Variants in FHIT observed in about 807,000 individuals in gnomAD.
The protein encoded by FHIT is fragile histidine triad diadenosine triphosphatase.
In FHIT, 19 loss-of-function variants were observed where a neutral mutation model predicts 17.9. The observed-to-expected ratio is 1.06, with a 90% CI of 0.74 to 1.56. The LOEUF (loss-of-function observed/expected upper bound fraction) is 1.56. Ranked by LOEUF, FHIT falls within the 40% of genes most tolerant of loss-of-function variation. The pLI is 0.00. For synonymous variants in FHIT, 81 were observed against 69.7 expected (o/e 1.16, Z -0.81); for missense variants, 248 against 189.2 (o/e 1.31, Z -1.82).
intron 1 of FHIT, among the ~76,000 whole-genome samples, chr3:61,204,505 A>G (rs1343900589): frequency 2.0e-5 from 3 of 152,222 alleles, no homozygotes; most frequent in Non-Finnish European, 4.4e-5. Context: ...TTCTCTATAC[A>G]ACATTGAAAT....
At position 59,977,211 on chromosome 3, in the gene FHIT, A is replaced by G. The variant is rs994861023; in HGVS notation, c.279+34160T>C. Among the ~76,000 whole-genome samples, 12 of 152,120 alleles carry G rather than the reference A, an allele frequency of 7.9e-5. 1 individual carries two copies. Among genetic ancestry groups the G allele is most frequent in the Admixed American group, 5.9e-4 (9 of 15,248 alleles). ...AGATAAAATAAAAGTGTTTTTCCCAATATCATACATCTGCTGATGGTCCTG... is the reference window on the plus strand; with the variant it reads ...AGATAAAATAAAAGTGTTTTTCCCAGTATCATACATCTGCTGATGGTCCTG... On this transcript the variant is annotated intron_variant, in intron 7 of 9. Transcript: ENST00000492590.
chr3:61,068,870 A>G (rs921132655), intron 2 of FHIT, among the ~76,000 whole-genome samples: 1 of 152,096 alleles, frequency 6.6e-6, no homozygotes, highest in Non-Finnish European at 1.5e-5. Context: ...CCCCTTTCCT[A>G]CTCAAAAAGT....
intron 8 of FHIT, 70 bp from the exon 9 acceptor site, chr3:59,752,391 G>A (rs1241486383): frequency 3.2e-6 from 4 of 1,259,986 alleles, no homozygotes; most frequent in African/African-American, 1.5e-5. Flanking sequence ...ATTTCGGGGG[G>A]CTGGGGGAGA....
intron 2 of FHIT, among the ~76,000 whole-genome samples, chr3:61,170,982 T>C (rs1048770008): frequency 1.3e-5 from 2 of 152,236 alleles, no homozygotes; most frequent in Non-Finnish European, 1.5e-5. Flanking sequence ...ATCAGATTAC[T>C]GGACCAAATG....
rs1348391809 is a variant in FHIT, at chr3:60,899,055, C to T, written c.-110-77044G>A. Among the ~76,000 whole-genome samples, 2 of 152,080 alleles carry T rather than the reference C, an allele frequency of 1.3e-5. 1 individual carries two copies. The highest frequency in any genetic ancestry group is 2.9e-5 in the Non-Finnish European group (2 of 68,020). ...TTTTTCCAGAACCATCTGTGCTTTC[C>T]CAAGAACATGTAACTACTACAGATA... On this transcript the variant is annotated intron_variant, in intron 3 of 9. Coordinates refer to ENST00000492590, the MANE Select transcript of FHIT (RefSeq NM_002012.4).
chr3:60,899,339 A>G (rs1705985515), intron 3 of FHIT, among the ~76,000 whole-genome samples: 2 of 152,216 alleles, frequency 1.3e-5, no homozygotes, highest in South Asian at 2.1e-4. Context: ...TGCCTTTTGT[A>G]TCTCGAACTT....
rs1267434056 is a variant in FHIT, at chr3:60,027,141, ACACACAC to A, written c.104-12996_104-12990del. Among the ~76,000 whole-genome samples the A allele has an allele frequency of 9.3e-3, 1,201 of 128,604 alleles. 73 individuals carry two copies. Among genetic ancestry groups the A allele is most frequent in the East Asian group, 0.092 (455 of 4,950 alleles). 84.4% of individuals were successfully genotyped at this position (128,604 alleles called of 152,430 possible). A position where few individuals can be genotyped will look rare whatever the true frequency, so the allele number is the denominator to read the frequency against. Reference sequence around the variant, plus strand: ...CACACACACACACACACACACACACACACACACAAAATTAGTAAACCCAATAATCCAC... The same window carrying A: ...CACACACACACACACACACACACACAAAAATTAGTAAACCCAATAATCCAC... On this transcript the variant is annotated intron_variant, in intron 5 of 9. Coordinates refer to ENST00000492590, the MANE Select transcript of FHIT (RefSeq NM_002012.4).
intron 2 of FHIT, among the ~76,000 whole-genome samples, chr3:61,061,514 T>A (rs918360969): frequency 1.3e-5 from 2 of 151,818 alleles, no homozygotes; most frequent in East Asian, 3.9e-4. Context: ...TAATTAAATT[T>A]AAATTAAAAT....
intron 4 of FHIT, among the ~76,000 whole-genome samples, chr3:60,657,094 A>C (rs190347284): frequency 3.9e-5 from 6 of 152,174 alleles, no homozygotes; most frequent in Non-Finnish European, 7.3e-5. Context: ...TATAACATAC[A>C]TGCAACCATG....
intron 3 of FHIT, among the ~76,000 whole-genome samples, chr3:60,906,993 TATA>T (rs1437797204): frequency 2.0e-4 from 31 of 152,130 alleles, no homozygotes; most frequent in African/African-American, 7.5e-4. Flanking sequence ...CCCAGAAATG[TATA>T]ATAATACAAA....
At chr3:60,192,195 G>C (rs1051099090) in intron 5 of FHIT, among the ~76,000 whole-genome samples, 4 of 148,882 alleles carry the variant, frequency 2.7e-5, no homozygotes, top group African/African-American at 9.9e-5. Flanking sequence ...AGGTTGCAGT[G>C]AGCTGAGTTC....
At chr3:60,445,248 A>T (rs964327946) in intron 5 of FHIT, among the ~76,000 whole-genome samples, 1 of 152,140 alleles carries the variant, frequency 6.6e-6, no homozygotes, top group Non-Finnish European at 1.5e-5. Context: ...AAACTCACAG[A>T]TGATGCCAAA....
intron 5 of FHIT, among the ~76,000 whole-genome samples, chr3:60,088,065 T>C (rs1351634932): frequency 6.6e-6 from 1 of 152,142 alleles, no homozygotes; most frequent in Non-Finnish European, 1.5e-5. Flanking sequence ...TGGTGGAAGA[T>C]GAAAGGGAGC....
chr3:60,477,510 A>T (rs1456824783), intron 5 of FHIT, among the ~76,000 whole-genome samples: 5 of 152,084 alleles, frequency 3.3e-5, no homozygotes, highest in Admixed American at 3.3e-4. Context: ...CATCACACTA[A>T]CCACACTATG....
chr3:59,808,047 C>T (rs556485746), intron 8 of FHIT, among the ~76,000 whole-genome samples: 7 of 152,198 alleles, frequency 4.6e-5, no homozygotes, highest in African/African-American at 9.6e-5. Context: ...TTCATTATCC[C>T]GAAGGGAAAC....
chr3:60,311,813 C>T (rs553874878), intron 5 of FHIT, among the ~76,000 whole-genome samples: 2 of 151,992 alleles, frequency 1.3e-5, no homozygotes, highest in East Asian at 1.9e-4. Flanking sequence ...TAAACATGGT[C>T]GGGGTGGACT....
At chr3:61,197,547 T>C (rs974420387) in intron 2 of FHIT, among the ~76,000 whole-genome samples, 4 of 152,060 alleles carry the variant, frequency 2.6e-5, no homozygotes, top group South Asian at 4.1e-4. Context: ...CAAGGGGAAA[T>C]AGAGAAAACT....
chr3:60,816,517 C>T (rs1022339524), intron 4 of FHIT, among the ~76,000 whole-genome samples: 1 of 151,738 alleles, frequency 6.6e-6, no homozygotes, highest in Admixed American at 6.6e-5. Flanking sequence ...TTTAAAAATC[C>T]TATTTATGTG....
At chr3:59,874,768 C>G (rs1239808000) in intron 8 of FHIT, among the ~76,000 whole-genome samples, 2 of 151,984 alleles carry the variant, frequency 1.3e-5, no homozygotes, top group Non-Finnish European at 2.9e-5. Context: ...GCAGCAAGAA[C>G]CAGACAGACC....
Sources: allele counts gnomAD v4.1 joint callset (sites outside exome capture counted in the v4.1 genomes callset), GRCh38; gene constraint gnomAD v4.1.1; transcripts MANE v1.5; gene names NCBI Gene and HGNC (gene_info 2026-07-23, HGNC 2026-07-21).